The following MBOAT1 variants were observed in gnomAD, a reference collection of about 807,000 sequenced individuals.
MBOAT1 encodes the protein membrane-bound glycerophospholipid O-acyltransferase 1.
MBOAT1 carries 67 observed loss-of-function variants against 64.4 expected under a neutral mutation model. The observed-to-expected ratio is 1.04, with a 90% CI of 0.85 to 1.27. The LOEUF (loss-of-function observed/expected upper bound fraction) is 1.27, where lower values mean the gene tolerates loss of function less well. Ranked by LOEUF, MBOAT1 falls within the 50% of genes most tolerant of loss-of-function variation. The pLI is 0.00. For missense variants in MBOAT1, 563 were observed against 604.6 expected, an observed-to-expected ratio of 0.93 and a Z score of 0.72; for synonymous variants, 229 against 218.9, an observed-to-expected ratio of 1.05 and a Z score of -0.41.
intron 1 of MBOAT1, among the ~76,000 whole-genome samples, chr6:20,155,780 G>A (rs1761658368): frequency 1.3e-5 from 2 of 152,114 alleles, no homozygotes; most frequent in Admixed American, 6.5e-5. Flanking sequence ...ACTCTAACTA[G>A]AGACTTTACC....
intron 1 of MBOAT1, among the ~76,000 whole-genome samples, chr6:20,211,590 C>CCGAA (rs1182698575): frequency 1.3e-5 from 2 of 152,186 alleles, no homozygotes; most frequent in African/African-American, 4.8e-5. Flanking sequence ...TATGAGCCAA[C>CCGAA]CGAACCCTGG....
chr6:20,116,512 G>A (rs971485154), intron 9 of MBOAT1, among the ~76,000 whole-genome samples: 1 of 152,108 alleles, frequency 6.6e-6, no homozygotes, highest in Non-Finnish European at 1.5e-5. Context: ...CAGAAGGAAG[G>A]AGGAAGGGAG....
chr6:20,128,322 C>T (rs930220361), intron 6 of MBOAT1, among the ~76,000 whole-genome samples: 1 of 152,054 alleles, frequency 6.6e-6, no homozygotes, highest in African/African-American at 2.4e-5. Flanking sequence ...ATTGATCATT[C>T]ACTATTCTTT....
chr6:20,199,619 T>A (rs778515623), intron 1 of MBOAT1, among the ~76,000 whole-genome samples: 2 of 152,250 alleles, frequency 1.3e-5, no homozygotes, highest in Non-Finnish European at 2.9e-5. Context: ...ACAATTTATA[T>A]AAACTGGCTT....
intron 11 of MBOAT1, among the ~76,000 whole-genome samples, chr6:20,110,733 T>G (rs960693617): frequency 1.3e-5 from 2 of 152,166 alleles, no homozygotes; most frequent in Non-Finnish European, 2.9e-5. Context: ...TTCTAGCTCA[T>G]TTTTTCATTT....
chr6:20,122,840 T>C (rs892114814), intron 8 of MBOAT1, among the ~76,000 whole-genome samples: 2 of 150,508 alleles, frequency 1.3e-5, no homozygotes, highest in Admixed American at 1.3e-4. Context: ...AAAAAAATTA[T>C]TTTTTTTTTG....
chr6:20,102,664 C>T (rs927401431), intron 12 of MBOAT1, among the ~76,000 whole-genome samples: 6 of 152,098 alleles, frequency 3.9e-5, no homozygotes, highest in African/African-American at 1.2e-4. Context: ...CACACGGTAC[C>T]GTCCCATTGA....
intron 11 of MBOAT1, among the ~76,000 whole-genome samples, chr6:20,111,790 G>C (rs373595169): frequency 1.7e-5 from 1 of 59,232 alleles, no homozygotes; most frequent in South Asian, 7.4e-4. Context: ...AGCATGAACA[G>C]TAATCCACTT....
In MBOAT1 at chr6:20,102,141, A is replaced by C. The variant is rs1346903671; in HGVS notation, c.*145T>G. 18 of 392,682 alleles carry C rather than the reference A, an allele frequency of 4.6e-5. 1 individual carries two copies. The East Asian group carries it at 1.1e-3, about 24-fold the overall frequency. The allele number at this position is 392,682 out of a possible 1,614,324, so 24.3% of individuals were successfully genotyped here. ...AAAAAAAAAAAAAAAAAAAAAAAAA[A>C]AAAATACTCCCTGCACTTTAAAAAA... On this transcript the variant is annotated 3_prime_UTR_variant, in exon 13 of 13. Transcript: ENST00000324607.
At chr6:20,114,149 A>T (rs1360227524) in intron 10 of MBOAT1, among the ~76,000 whole-genome samples, 2 of 152,238 alleles carry the variant, frequency 1.3e-5, no homozygotes, top group Non-Finnish European at 2.9e-5. Flanking sequence ...CAATTATCAG[A>T]AAATACTGCA....
At chr6:20,209,142 T>A (rs917986646) in intron 1 of MBOAT1, among the ~76,000 whole-genome samples, 1 of 152,182 alleles carries the variant, frequency 6.6e-6, no homozygotes, top group African/African-American at 2.4e-5. Context: ...AACTCCATAT[T>A]TGCTCACTGG....
chr6:20,122,146 C>T (rs1340965006), intron 8 of MBOAT1, among the ~76,000 whole-genome samples: 1 of 151,992 alleles, frequency 6.6e-6, no homozygotes, highest in East Asian at 1.9e-4. Flanking sequence ...GCCTGGGTGA[C>T]AAGAGCGAAA....
At chr6:20,211,627 C>T (rs1178673203) in intron 1 of MBOAT1, among the ~76,000 whole-genome samples, 2 of 152,114 alleles carry the variant, frequency 1.3e-5, no homozygotes, top group Non-Finnish European at 2.9e-5. Flanking sequence ...TTGTGTGTCC[C>T]GCATCACACA....
chr6:20,179,524 A>G (rs910643212), intron 1 of MBOAT1, among the ~76,000 whole-genome samples: 1 of 152,192 alleles, frequency 6.6e-6, no homozygotes, highest in Non-Finnish European at 1.5e-5. Flanking sequence ...TCCATGGTGT[A>G]TATGTACCAC....
chr6:20,112,877 G>C lies in MBOAT1; in HGVS notation c.1208C>G (p.Ala403Gly), dbSNP rs201340830. The part of the protein sequence containing the change: ...TGILVTLAAR[A>G]VRNNYRHYFL... ...ACCCTAGGCCTAAAGCACACTTACC[G>C]CTCTAGCTGCTAATGTGACAAGAAT... The change falls in exon 11 of 13, where the codon GCG becomes GGG. Residue 403 changes from alanine to glycine, a missense_variant and splice_region_variant. Transcript: ENST00000324607. 6 of 1,612,872 alleles carry C rather than the reference G, an allele frequency of 3.7e-6. No homozygotes were observed. The highest frequency in any genetic ancestry group is 1.3e-5 in the African/African-American group (1 of 74,870).
At chr6:20,209,299 T>C (rs1763352672) in intron 1 of MBOAT1, among the ~76,000 whole-genome samples, 1 of 152,256 alleles carries the variant, frequency 6.6e-6, no homozygotes, top group African/African-American at 2.4e-5. Context: ...GATAATTTTA[T>C]ATTTCACATC....
chr6:20,146,440 T>A (rs1319102307), intron 3 of MBOAT1, among the ~76,000 whole-genome samples: 1 of 152,222 alleles, frequency 6.6e-6, no homozygotes, highest in East Asian at 1.9e-4. Flanking sequence ...TTTTTCTCTA[T>A]CATGGGTTCA....
intron 4 of MBOAT1, among the ~76,000 whole-genome samples, chr6:20,137,969 A>G (rs1456354776): frequency 6.6e-6 from 1 of 152,252 alleles, no homozygotes; most frequent in African/African-American, 2.4e-5. Context: ...AGTAGGGTTA[A>G]ATCAATTCCA....
intron 1 of MBOAT1, among the ~76,000 whole-genome samples, chr6:20,161,592 C>T (rs1761863126): frequency 6.6e-6 from 1 of 152,088 alleles, no homozygotes; most frequent in Non-Finnish European, 1.5e-5. Flanking sequence ...ATACACCTTC[C>T]ATAAATGACT....
Sources: gnomAD v4.1 joint callset for allele counts (sites outside exome capture counted in the v4.1 genomes callset) on GRCh38, gnomAD v4.1.1 for gene constraint, MANE v1.5 for transcripts, NCBI Gene and HGNC (gene_info 2026-07-23, HGNC 2026-07-21) for gene names.